The following TNIK variants were observed in gnomAD, a reference collection of about 807,000 sequenced individuals.
TNIK encodes the protein TRAF2 and NCK interacting kinase, also known as TRAF2 and NCK-interacting protein kinase.
A neutral mutation model predicts 191.3 loss-of-function variants in TNIK; 49 were observed. The observed-to-expected ratio is 0.26, with a 90% CI of 0.20 to 0.32. The LOEUF (loss-of-function observed/expected upper bound fraction) is 0.32, where lower values mean the gene tolerates loss of function less well. TNIK is among the 10% of genes least tolerant of loss of function. The probability of loss-of-function intolerance (pLI) is 1.00; values close to 1 mark genes in which losing one functional copy is unlikely to be tolerated. For missense variants in TNIK, 1,155 were observed against 1,702.3 expected (o/e 0.68, Z 5.66); for synonymous variants, 594 against 600.9 (o/e 0.99, Z 0.17).
At chr3:171,104,862 T>C (rs1164475285) in intron 21 of TNIK, among the ~76,000 whole-genome samples, 1 of 152,182 alleles carries the variant, frequency 6.6e-6, no homozygotes, top group Non-Finnish European at 1.5e-5. Flanking sequence ...ATTGATGTGC[T>C]TTGAAATTTT....
intron 15 of TNIK, among the ~76,000 whole-genome samples, chr3:171,133,374 C>G (rs923676023): frequency 6.6e-6 from 1 of 152,130 alleles, no homozygotes; most frequent in Admixed American, 6.5e-5. Context: ...CATATGAAAT[C>G]CAGACCAAAA....
At chr3:171,251,478 G>A (rs1164287244) in intron 2 of TNIK, among the ~76,000 whole-genome samples, 2 of 152,134 alleles carry the variant, frequency 1.3e-5, no homozygotes, top group Non-Finnish European at 2.9e-5. Context: ...CCACAGTCTT[G>A]GGATGAGTTC....
chr3:171,188,594 G>A (rs532702872), intron 7 of TNIK, 108 bp downstream of exon 7: 3 of 1,368,058 alleles, frequency 2.2e-6, no homozygotes, highest in Admixed American at 2.5e-5. Flanking sequence ...ATGTTTTTCA[G>A]TTCTCCCTTT....
chr3:171,242,910 C>A (rs538043956), intron 2 of TNIK, among the ~76,000 whole-genome samples: 2 of 152,158 alleles, frequency 1.3e-5, no homozygotes, highest in African/African-American at 4.8e-5. Context: ...ATAAAAAAAT[C>A]TTTTTGAGAA....
rs1276586744 is a variant in TNIK, at chr3:171,460,314, C to G, written c.-251G>C. On this transcript the variant is annotated 5_prime_UTR_variant, in exon 1 of 33. Coordinates refer to ENST00000436636, the MANE Select transcript of TNIK (RefSeq NM_015028.4). This position sits in a 1 kb window ranked among gnomAD's most constrained non-coding sequence, Gnocchi z 6.8. ...AGCGGTGCGTGTGGGCTGAGCGCCC[C>G]GATCGGCTAAGGGCGCTGGGGCTGC... The G allele has an allele frequency of 3.5e-6, 2 of 576,146 alleles. No homozygotes were observed. The highest frequency in any genetic ancestry group is 3.1e-6 in the Non-Finnish European group (1 of 325,924). The allele number at this position is 576,146 out of a possible 1,614,324, so 35.7% of individuals were successfully genotyped here.
intron 21 of TNIK, among the ~76,000 whole-genome samples, chr3:171,102,631 T>G (rs1723769118): frequency 6.6e-6 from 1 of 152,102 alleles, no homozygotes; most frequent in South Asian, 2.1e-4. Flanking sequence ...TCTTACCATT[T>G]CTCCCTATAT....
intron 21 of TNIK, among the ~76,000 whole-genome samples, chr3:171,103,287 C>G (rs1256532040): frequency 2.6e-5 from 4 of 152,052 alleles, no homozygotes; most frequent in Admixed American, 6.5e-5. Context: ...AAGGCCAACT[C>G]TGTTTAAATG....
At position 171,459,742 on chromosome 3, in the gene TNIK, T is replaced by C. The variant is rs563061005; in HGVS notation, c.57+265A>G. On this transcript the variant is annotated intron_variant, in intron 1 of 32. Coordinates refer to ENST00000436636, the MANE Select transcript of TNIK (RefSeq NM_015028.4). ...TCATTTTAATGCTCTTACACCGGTA[T>C]AAGATGAAACTGGCATAAGCTCTAC... is the stretch of plus-strand genomic sequence containing the variant. Among the ~76,000 whole-genome samples, 5 of 151,166 alleles carry C rather than the reference T, an allele frequency of 3.3e-5. No homozygotes were observed. The South Asian group carries it at 1.0e-3, about 32-fold the overall frequency.
At chr3:171,225,710 T>C (rs1161260840) in intron 3 of TNIK, 3 of 439,250 alleles carry the variant, frequency 6.8e-6, no homozygotes, top group East Asian at 1.4e-4. Context: ...GGTCTAGCAA[T>C]AGTGGTTCTT....
chr3:171,107,133 T>C, intron 21 of TNIK, 50 bp downstream of exon 21: 1 of 1,575,388 alleles, frequency 6.3e-7, no homozygotes, highest in Non-Finnish European at 8.6e-7. Flanking sequence ...AGGAAATAAG[T>C]TTAATATTTA....
At chr3:171,234,617 A>T (rs1188646494) in intron 2 of TNIK, among the ~76,000 whole-genome samples, 2 of 152,080 alleles carry the variant, frequency 1.3e-5, no homozygotes, top group African/African-American at 4.8e-5. Context: ...ACTGGGTTTC[A>T]TTTTTCTTTG....
chr3:171,362,205 A>T (rs550661027), intron 2 of TNIK, among the ~76,000 whole-genome samples: 1 of 152,294 alleles, frequency 6.6e-6, no homozygotes, highest in East Asian at 1.9e-4. Flanking sequence ...TTCTCTTTAC[A>T]CATTATTGAG....
chr3:171,172,331 A>C (rs1460254874), intron 9 of TNIK, among the ~76,000 whole-genome samples: 3 of 152,200 alleles, frequency 2.0e-5, no homozygotes, highest in African/African-American at 4.8e-5. Context: ...TAACTCATTT[A>C]GGTAGAGAAT....
rs11444884 is a variant in TNIK, at chr3:171,242,513, A to ATT, written c.124-14294_124-14293dup. On this transcript the variant is annotated intron_variant, in intron 2 of 32. Coordinates refer to ENST00000436636, the MANE Select transcript of TNIK (RefSeq NM_015028.4). The stretch of plus-strand genomic sequence containing the variant: ...ATCCAAAAGATCAGTATCAATCTGC[A>ATT]TTTTTTTTTTTTTATCATTTAACTC... Among the ~76,000 whole-genome samples, 295 of 145,110 alleles carry ATT rather than the reference A, an allele frequency of 2.0e-3. 1 individual carries two copies. The highest frequency in any genetic ancestry group is 5.1e-3 in the African/African-American group (204 of 39,982).
chr3:171,203,883 C>T (rs145743764), intron 4 of TNIK, among the ~76,000 whole-genome samples: 43 of 152,170 alleles, frequency 2.8e-4, no homozygotes, highest in African/African-American at 8.9e-4. Context: ...ATTATTGAGC[C>T]GCTACAGGGC....
chr3:171,082,137 CTTT>C, intron 27 of TNIK, 111 bp downstream of exon 27: 1 of 1,404,064 alleles, frequency 7.1e-7, no homozygotes, highest in Non-Finnish European at 9.6e-7. Flanking sequence ...TACTGCTATA[CTTT>C]ATTGTGTTGT....
intron 26 of TNIK, among the ~76,000 whole-genome samples, chr3:171,083,098 T>C (rs930116794): frequency 6.6e-6 from 1 of 152,130 alleles, no homozygotes; most frequent in Non-Finnish European, 1.5e-5. Context: ...GTAGTTGTAA[T>C]CCTAAAAATT....
chr3:171,187,354 G>A (rs1021902229), intron 7 of TNIK, among the ~76,000 whole-genome samples: 9 of 152,110 alleles, frequency 5.9e-5, no homozygotes, highest in Admixed American at 2.0e-4. Flanking sequence ...CAGACAGATT[G>A]TTGTCAGGTT....
intron 2 of TNIK, among the ~76,000 whole-genome samples, chr3:171,357,702 G>A (rs983788279): frequency 6.6e-6 from 1 of 152,124 alleles, no homozygotes; most frequent in Non-Finnish European, 1.5e-5. Context: ...AGAAGAGGCA[G>A]GGAAAACCAT....
Sources: allele counts gnomAD v4.1 joint callset (sites outside exome capture counted in the v4.1 genomes callset), GRCh38; gene constraint gnomAD v4.1.1; non-coding constraint Gnocchi (gnomAD v3.1); transcripts MANE v1.5; gene names NCBI Gene and HGNC (gene_info 2026-07-23, HGNC 2026-07-21).